CYRIB: variants seen among roughly 807,000 people sequenced by gnomAD.
CYRIB encodes the protein CYFIP-related Rac1 interactor B.
In CYRIB, 8 loss-of-function variants were observed where a neutral mutation model predicts 44.2. The observed-to-expected ratio is 0.18, with a 90% CI of 0.11 to 0.33. The LOEUF is 0.33. Among genes scored for constraint, CYRIB ranks in the 10% least tolerant of loss-of-function variants. The pLI, the probability that CYRIB is intolerant of heterozygous loss-of-function variation, is 1.00. For missense variants in CYRIB, 185 were observed against 382.8 expected, an observed-to-expected ratio of 0.48 and a Z score of 4.31; for synonymous variants, 131 against 127.2, an observed-to-expected ratio of 1.03 and a Z score of -0.20.
chr8:129,913,272 C>T lies in CYRIB; in HGVS notation c.-49-9922G>A, dbSNP rs1311986091. Among the ~76,000 whole-genome samples the T allele has an allele frequency of 2.6e-5, 4 of 152,108 alleles. No homozygotes were observed. In the East Asian group the frequency reaches 7.7e-4, roughly 29 times the overall value. ...AGGCGTGAGCCACCCCTGGAATCTG[C>T]TCCACTTTCAAAATCATGCCTACAT... On this transcript the variant is annotated intron_variant, in intron 1 of 11. Transcript: ENST00000519824.
upstream of CYRIB, among the ~76,000 whole-genome samples, chr8:129,940,249 C>T (rs1174312232): frequency 6.6e-6 from 1 of 152,006 alleles, no homozygotes; most frequent in African/African-American, 2.4e-5. Flanking sequence ...TTGCCATATT[C>T]CCCCCACGCC....
At chr8:129,870,583 C>T (rs1025381611) in intron 4 of CYRIB, among the ~76,000 whole-genome samples, 1 of 152,058 alleles carries the variant, frequency 6.6e-6, no homozygotes, top group Non-Finnish European at 1.5e-5. Context: ...GAATGTATGC[C>T]CCATATGGAA....
At chr8:129,969,947 C>T (rs938189524) in intron 2 of CYRIB, among the ~76,000 whole-genome samples, 1 of 152,122 alleles carries the variant, frequency 6.6e-6, no homozygotes, top group Admixed American at 6.5e-5. Flanking sequence ...TTTTGTTGAG[C>T]AAGTATATTT....
At chr8:129,998,570 A>G (rs911814519) in intron 1 of CYRIB, among the ~76,000 whole-genome samples, 10 of 151,918 alleles carry the variant, frequency 6.6e-5, no homozygotes, top group Non-Finnish European at 2.9e-5. Context: ...GAAATTTCCC[A>G]TTGGTGCTTT....
intron 1 of CYRIB, among the ~76,000 whole-genome samples, chr8:130,012,202 G>GA (rs879773949): frequency 5.0e-4 from 74 of 148,862 alleles, no homozygotes; most frequent in Admixed American, 2.5e-3. Flanking sequence ...CCAAAAGAAG[G>GA]AAAAAAAAAA....
In CYRIB at chr8:129,868,324, G is replaced by A. The variant is rs193239323; in HGVS notation, c.195+3051C>T. 3.8e-3 allele frequency among the ~76,000 whole-genome samples: 575 copies of A among 152,004 alleles called. 5 individuals carry two copies. The highest frequency in any genetic ancestry group is 0.013 in the African/African-American group (551 of 41,470). On this transcript the variant is annotated intron_variant, in intron 4 of 11. Transcript: ENST00000519824. ...CAGTAGATTTAAATGCAGCTTTTCC[G>A]TTTTTTAGCTTACATATTTTGTATT...
At chr8:129,941,272 G>GT (rs551305807), upstream of CYRIB, among the ~76,000 whole-genome samples, 20,269 of 124,638 alleles carry the variant, frequency 0.16, 1,956 homozygotes, top group East Asian at 0.28. Flanking sequence ...AACTGAAGGA[G>GT]ATTTTTTTTT....
At chr8:129,976,249 G>A (rs1054906935) in intron 1 of CYRIB, among the ~76,000 whole-genome samples, 4 of 151,678 alleles carry the variant, frequency 2.6e-5, no homozygotes, top group Non-Finnish European at 5.9e-5. Context: ...TCAATTACAA[G>A]AGCTCTGTAA....
At chr8:129,891,584 T>G (rs2134893533) in intron 2 of CYRIB, among the ~76,000 whole-genome samples, 1 of 152,334 alleles carries the variant, frequency 6.6e-6, no homozygotes, top group East Asian at 1.9e-4. Context: ...CCCTAGCAAA[T>G]GTTAAGATCC....
chr8:129,887,305 G>C (rs535083720), intron 2 of CYRIB, among the ~76,000 whole-genome samples: 1 of 152,354 alleles, frequency 6.6e-6, no homozygotes, highest in South Asian at 2.1e-4. Flanking sequence ...TGGCAGCTTT[G>C]ATGGGTGTTA....
intron 2 of CYRIB, among the ~76,000 whole-genome samples, chr8:129,884,101 A>C (rs1051873541): frequency 6.6e-6 from 1 of 152,092 alleles, no homozygotes; most frequent in African/African-American, 2.4e-5. Context: ...CCTTCCATTC[A>C]TTCCCGAGTT....
At chr8:129,915,499 G>A (rs914285969) in intron 1 of CYRIB, among the ~76,000 whole-genome samples, 1 of 152,128 alleles carries the variant, frequency 6.6e-6, no homozygotes, top group African/African-American at 2.4e-5. Context: ...AAGATTCTAG[G>A]AAACGCAAAC....
chr8:129,880,081 T>C (rs2060363678), intron 2 of CYRIB, among the ~76,000 whole-genome samples: 2 of 152,218 alleles, frequency 1.3e-5, no homozygotes, highest in African/African-American at 2.4e-5. Flanking sequence ...TAAGCGAATA[T>C]TGTTTGACAT....
chr8:129,952,744 T>C (rs902338960), intron 2 of CYRIB, among the ~76,000 whole-genome samples: 1 of 152,142 alleles, frequency 6.6e-6, no homozygotes, highest in Non-Finnish European at 1.5e-5. Flanking sequence ...GGCTCATGGC[T>C]GGTAGTTACT....
In CYRIB at chr8:129,871,372, T is replaced by C; in HGVS notation, c.195+3A>G. On this transcript the variant is annotated splice_donor_region_variant and intron_variant, in intron 4 of 11. Coordinates refer to ENST00000519824, the Ensembl canonical transcript of CYRIB. ...AACTAGAAAATACATAAATGCGCTT[T>C]ACCTCTCGTATTTCGTGGCCAGCTC... 6.2e-7 allele frequency: 1 copy of C among 1,602,578 alleles called. No homozygotes were observed. The highest frequency in any genetic ancestry group is 8.5e-7 in the Non-Finnish European group (1 of 1,176,458).
At chr8:129,898,847 G>A (rs1335893427) in intron 2 of CYRIB, among the ~76,000 whole-genome samples, 1 of 151,944 alleles carries the variant, frequency 6.6e-6, no homozygotes, top group East Asian at 1.9e-4. Context: ...AATTATAACT[G>A]AATATATACA....
chr8:129,946,730 T>G (rs1271312276), intron 2 of CYRIB, among the ~76,000 whole-genome samples: 2 of 152,184 alleles, frequency 1.3e-5, no homozygotes, highest in African/African-American at 2.4e-5. Context: ...TCTATGAGCC[T>G]CCGGCACATC....
chr8:130,007,793 GCAA>G (rs66922126), intron 1 of CYRIB, among the ~76,000 whole-genome samples: 3 of 151,714 alleles, frequency 2.0e-5, no homozygotes, highest in Admixed American at 6.6e-5. Flanking sequence ...TCCAAAAACA[GCAA>G]CAACAACAAA....
intron 2 of CYRIB, among the ~76,000 whole-genome samples, chr8:129,892,367 T>C (rs1425038599): frequency 6.6e-6 from 1 of 152,240 alleles, no homozygotes; most frequent in Non-Finnish European, 1.5e-5. Context: ...TTGCAAACAT[T>C]ATTTTAAAAT....
Sources: gnomAD v4.1 joint callset for allele counts (sites outside exome capture counted in the v4.1 genomes callset) on GRCh38, gnomAD v4.1.1 for gene constraint, MANE v1.5 for transcripts, NCBI Gene and HGNC (gene_info 2026-07-23, HGNC 2026-07-21) for gene names.